DOCK4: variants seen among roughly 807,000 people sequenced by gnomAD.
The protein encoded by DOCK4 is dedicator of cytokinesis 4.
In DOCK4, 97 loss-of-function variants were observed where a neutral mutation model predicts 268.1. That is an observed-to-expected ratio of 0.36 (90% CI 0.31 to 0.43). DOCK4 has a LOEUF of 0.43. Among genes scored for constraint, DOCK4 ranks in the 20% least tolerant of loss-of-function variants. The pLI, the probability that DOCK4 is intolerant of heterozygous loss-of-function variation, is 1.00. For synonymous variants in DOCK4, 954 were observed against 887.2 expected, an observed-to-expected ratio of 1.08 and a Z score of -1.34; for missense variants, 2,145 against 2,455.7, an observed-to-expected ratio of 0.87 and a Z score of 2.67.
intron 21 of DOCK4, among the ~76,000 whole-genome samples, chr7:111,868,772 T>C (rs989258516): frequency 3.8e-4 from 58 of 152,340 alleles, no homozygotes; most frequent in African/African-American, 1.3e-3. Context: ...CTAAGTGTTT[T>C]TGACCCTCAG....
intron 36 of DOCK4, among the ~76,000 whole-genome samples, chr7:111,770,158 G>C (rs1339070455): frequency 6.6e-6 from 1 of 151,660 alleles, no homozygotes; most frequent in Non-Finnish European, 1.5e-5. Context: ...CTGGTGAGGA[G>C]GGGGTTCAGA....
At chr7:111,880,236 C>G (rs577734653) in intron 16 of DOCK4, among the ~76,000 whole-genome samples, 1 of 152,296 alleles carries the variant, frequency 6.6e-6, no homozygotes, top group East Asian at 1.9e-4. Flanking sequence ...TGGCAGCAGA[C>G]TATTCGGTGG....
chr7:112,191,110 CATT>C (rs1390838516), intron 1 of DOCK4, among the ~76,000 whole-genome samples: 4 of 152,184 alleles, frequency 2.6e-5, no homozygotes, highest in Admixed American at 6.5e-5. Flanking sequence ...GGCAGGGCCT[CATT>C]ATGTTGCCCA....
rs1259898963 is a variant in DOCK4, at chr7:111,915,785, T to C, written c.1186A>G (p.Met396Val). 6.2e-7 allele frequency: 1 copy of C among 1,613,216 alleles called. No homozygotes were observed. Among genetic ancestry groups the C allele is most frequent in the East Asian group, 2.2e-5 (1 of 44,840 alleles). The change falls in exon 13 of 53, where the codon ATG (methionine) becomes GTG (valine). Residue 396 changes from methionine (M) to valine (V), a missense_variant. By Grantham distance (21) the Met-to-Val change is conservative. Transcript: ENST00000428084. ...TACGTCCCAAGTCACCTACCAGGCATAATAATATTTGAAAATCCCAGCTTC... is the reference window on the plus strand; with the variant it reads ...TACGTCCCAAGTCACCTACCAGGCACAATAATATTTGAAAATCCCAGCTTC... Reference protein sequence around the residue: ...TRKLGFSNIIMPGEMRNDLYI... With the variant: ...TRKLGFSNIIVPGEMRNDLYI...
intron 1 of DOCK4, among the ~76,000 whole-genome samples, chr7:112,142,221 A>G (rs1814999710): frequency 6.6e-6 from 1 of 152,192 alleles, no homozygotes; most frequent in Non-Finnish European, 1.5e-5. Flanking sequence ...ACATAGCTAG[A>G]AAGTGGGGCT....
At chr7:111,887,902 T>A (rs563803778) in intron 16 of DOCK4, among the ~76,000 whole-genome samples, 15 of 151,726 alleles carry the variant, frequency 9.9e-5, no homozygotes, top group African/African-American at 3.6e-4. Context: ...AGGAAGTAGG[T>A]GGAAGAACTA....
intron 39 of DOCK4, among the ~76,000 whole-genome samples, chr7:111,761,287 T>C (rs1797389456): frequency 6.6e-6 from 1 of 152,210 alleles, no homozygotes; most frequent in South Asian, 2.1e-4. Context: ...CTTGAACTCC[T>C]GGCCTCAGGT....
intron 1 of DOCK4, among the ~76,000 whole-genome samples, chr7:112,169,088 G>A (rs901128097): frequency 3.3e-5 from 5 of 152,156 alleles, no homozygotes; most frequent in African/African-American, 1.2e-4. Context: ...CCCCTTTAGT[G>A]CTGTTCTCAC....
chr7:111,906,092 T>C (rs963555050), intron 13 of DOCK4, among the ~76,000 whole-genome samples: 6 of 152,056 alleles, frequency 3.9e-5, no homozygotes, highest in Admixed American at 2.0e-4. Context: ...ACATTACCTA[T>C]GAAAACCTGT....
intron 1 of DOCK4, among the ~76,000 whole-genome samples, chr7:112,182,954 T>C (rs995593156): frequency 1.3e-5 from 2 of 152,250 alleles, no homozygotes; most frequent in African/African-American, 4.8e-5. Flanking sequence ...AGTGGAATTC[T>C]GGCTGGCTTC....
intron 1 of DOCK4, among the ~76,000 whole-genome samples, chr7:112,029,375 C>G (rs1803080499): frequency 6.6e-6 from 1 of 152,174 alleles, no homozygotes; most frequent in Non-Finnish European, 1.5e-5. Context: ...CATAGAATTG[C>G]TTCTTTCAGG....
At chr7:111,731,148 A>G (rs762737042) in intron 52 of DOCK4, among the ~76,000 whole-genome samples, 23 of 152,212 alleles carry the variant, frequency 1.5e-4, no homozygotes, top group Non-Finnish European at 2.5e-4. Flanking sequence ...GCATTACAGA[A>G]TGAGAACAAA....
At chr7:112,118,327 T>C (rs1440545435) in intron 1 of DOCK4, among the ~76,000 whole-genome samples, 2 of 152,170 alleles carry the variant, frequency 1.3e-5, no homozygotes, top group Non-Finnish European at 2.9e-5. Context: ...CTAAGTAATT[T>C]ATTGTCATAC....
At position 111,728,312 on chromosome 7, in the gene DOCK4, G is replaced by A. The variant is rs781555979; in HGVS notation, c.5890C>T (p.Arg1964Trp). The change falls in exon 53 of 53, where the codon CGG becomes TGG. Residue 1964 changes from arginine to tryptophan, a missense_variant. Physicochemically the swap from Arg to Trp is moderately radical, Grantham distance 101. Around this residue, in one of 2 missense-constraint regions of DOCK4, gnomAD observed 547 missense variants for 469.0 expected, o/e 1.17. Coordinates refer to ENST00000428084, the MANE Select transcript of DOCK4 (RefSeq NM_001363540.2). ...NGARRTDPGP[R>W]PRPLPRKVSQ... ...ACCTTGCGGGGCAGGGGCCTGGGCCGCGGGCCGGGGTCAGTCCTCCGGGCC... is the reference window on the plus strand; with the variant it reads ...ACCTTGCGGGGCAGGGGCCTGGGCCACGGGCCGGGGTCAGTCCTCCGGGCC... The A allele has an allele frequency of 3.3e-6, 5 of 1,508,414 alleles. No homozygotes were observed. Among genetic ancestry groups the A allele is most frequent in the African/African-American group, 1.4e-5 (1 of 71,350 alleles). The allele number at this position is 1,508,414 out of a possible 1,614,324, so 93.4% of individuals were successfully genotyped here. A position where few individuals can be genotyped will look rare whatever the true frequency, so the allele number is the denominator to read the frequency against.
chr7:111,924,671 T>C (rs1003731593), intron 12 of DOCK4, among the ~76,000 whole-genome samples: 7 of 152,100 alleles, frequency 4.6e-5, no homozygotes, highest in African/African-American at 1.7e-4. Context: ...ACACCTATAA[T>C]CCTTTGGGAG....
At chr7:112,069,612 A>G (rs952717878) in intron 1 of DOCK4, among the ~76,000 whole-genome samples, 3 of 152,148 alleles carry the variant, frequency 2.0e-5, no homozygotes, top group Non-Finnish European at 4.4e-5. Context: ...AGCCTCACAC[A>G]AGAGCTTTCT....
At chr7:111,934,530 T>TTTTTG (rs1554381566) in intron 12 of DOCK4, among the ~76,000 whole-genome samples, 1 of 134,324 alleles carries the variant, frequency 7.4e-6, no homozygotes, top group African/African-American at 3.0e-5. Flanking sequence ...TTTGTTTTTT[T>TTTTTG]TTTTTTTTTT....
chr7:111,964,057 A>T (rs1171872341), intron 8 of DOCK4, among the ~76,000 whole-genome samples: 6 of 141,934 alleles, frequency 4.2e-5, no homozygotes, highest in East Asian at 4.5e-4. Flanking sequence ...ACCCATCTGT[A>T]CATCACCATC....
At chr7:111,730,461 A>G (rs571851185) in intron 52 of DOCK4, among the ~76,000 whole-genome samples, 3 of 152,340 alleles carry the variant, frequency 2.0e-5, no homozygotes, top group East Asian at 1.9e-4. Flanking sequence ...TGTAAACAAA[A>G]TAACGCTGGT....
Sources: allele counts gnomAD v4.1 joint callset (sites outside exome capture counted in the v4.1 genomes callset), GRCh38; gene constraint gnomAD v4.1.1; regional missense constraint gnomAD v4.1.1; transcripts MANE v1.5; gene names NCBI Gene and HGNC (gene_info 2026-07-23, HGNC 2026-07-21).